RAB22A: variants seen among roughly 807,000 people sequenced by gnomAD.
RAB22A encodes the protein RAB22A, member RAS oncogene family, also known as ras-related protein Rab-22A.
Under a neutral mutation model 30.2 loss-of-function variants are expected in RAB22A, and 13 were observed. The ratio of observed to expected loss-of-function variants is 0.43; its 90% confidence interval spans 0.28 to 0.68. The LOEUF is 0.68. Ranked by LOEUF, RAB22A falls within the 30% of genes least tolerant of loss-of-function variation. RAB22A has a pLI of 0.18. For missense variants in RAB22A, 177 were observed against 246.8 expected (o/e 0.72, Z 1.89); for synonymous variants, 89 against 87.2 (o/e 1.02, Z -0.11).
intron 3 of RAB22A, among the ~76,000 whole-genome samples, chr20:58,349,547 G>A (rs941207037): frequency 2.0e-5 from 3 of 152,224 alleles, no homozygotes; most frequent in Admixed American, 1.3e-4. Context: ...TGGCAAGGGT[G>A]ACAAGACAGC....
rs1568869261 is a variant in RAB22A at position 58,336,498 on chromosome 20, T to TG, written c.117-7214dup. On this transcript the variant is annotated intron_variant, in intron 2 of 6. Transcript: ENST00000244040. The stretch of plus-strand genomic sequence containing the variant: ...GACTTTAAGGATACTGCCTGGAATC[T>TG]GGGGGGATAAAAAGTATTTTATTGT... Among the ~76,000 whole-genome samples, 3 of 152,120 alleles carry TG rather than the reference T, an allele frequency of 2.0e-5. No homozygotes were observed. In the South Asian group the frequency reaches 6.2e-4, roughly 32 times the overall value.
chr20:58,339,432 C>T (rs946960928), intron 2 of RAB22A, among the ~76,000 whole-genome samples: 2 of 152,210 alleles, frequency 1.3e-5, no homozygotes, highest in African/African-American at 4.8e-5. Context: ...ATCATACCCT[C>T]TGCATCATTT....
chr20:58,311,263 A>C (rs947893638), intron 2 of RAB22A, 141 bp downstream of exon 2: 7 of 812,314 alleles, frequency 8.6e-6, no homozygotes, highest in Non-Finnish European at 1.5e-5. Context: ...GAAGGACTTG[A>C]AAGAGTCCAG....
At position 58,364,589 on chromosome 20, in the gene RAB22A, A is replaced by G. The variant is rs1003117015; in HGVS notation, c.*4886A>G. The G allele has an allele frequency of 1.2e-4, 18 of 152,230 alleles. No individual in the cohort carries two copies. Among genetic ancestry groups the G allele is most frequent in the African/African-American group, 4.1e-4 (17 of 41,470 alleles). The allele number at this position is 152,230 out of a possible 1,614,324, so 9.4% of individuals were successfully genotyped here. ...AACAAAAAGTGTTTAATTTACTGCA[A>G]GTTCATTTTTAGATCTGTATGGTGC... On this transcript the variant is annotated 3_prime_UTR_variant, in exon 7 of 7. Coordinates refer to ENST00000244040, the MANE Select transcript of RAB22A (RefSeq NM_020673.3).
rs1600749727 is a variant in RAB22A at position 58,366,356 on chromosome 20, T to C, written c.*6653T>C. The C allele has an allele frequency of 6.6e-6, 1 of 152,168 alleles. No homozygotes were observed. The highest frequency in any genetic ancestry group is 1.9e-4 in the East Asian group (1 of 5,198). The allele number at this position is 152,168 out of a possible 1,614,324, so 9.4% of individuals were successfully genotyped here. ...GGGTTGGGGATGAACAGAAGTTGAT[T>C]AGTGGGCACAGAAATACAGTTAGAT... On this transcript the variant is annotated 3_prime_UTR_variant, in exon 7 of 7. Coordinates refer to ENST00000244040, the MANE Select transcript of RAB22A (RefSeq NM_020673.3).
chr20:58,323,394 G>A (rs1018989751), intron 2 of RAB22A, among the ~76,000 whole-genome samples: 9 of 151,558 alleles, frequency 5.9e-5, no homozygotes, highest in Non-Finnish European at 1.3e-4. Context: ...TGTGTTCTCT[G>A]TATACTTTTA....
chr20:58,333,991 A>C (rs1465184849), intron 2 of RAB22A, among the ~76,000 whole-genome samples: 1 of 152,128 alleles, frequency 6.6e-6, no homozygotes, highest in African/African-American at 2.4e-5. Context: ...CCAGGAGTTC[A>C]AGGCTACTGT....
At position 58,362,505 on chromosome 20, in the gene RAB22A, A is replaced by C. The variant is rs1038590968; in HGVS notation, c.*2802A>C. 1 of 152,186 alleles carries C rather than the reference A, an allele frequency of 6.6e-6. No homozygotes were observed. The highest frequency in any genetic ancestry group is 1.5e-5 in the Non-Finnish European group (1 of 68,036). 9.4% of individuals were successfully genotyped at this position (152,186 alleles called of 1,614,324 possible). ...TCTCAGGACTGAACAGAAGAGAAAA[A>C]TTATTAATTAGCTGCTACTGTATGT... is the stretch of plus-strand genomic sequence containing the variant. On this transcript the variant is annotated 3_prime_UTR_variant, in exon 7 of 7. Transcript: ENST00000244040.
intron 2 of RAB22A, among the ~76,000 whole-genome samples, chr20:58,333,008 G>A (rs990644926): frequency 6.6e-6 from 1 of 152,008 alleles, no homozygotes; most frequent in African/African-American, 2.4e-5. Context: ...GCGGGGTGTG[G>A]TGGCTCACAC....
intron 2 of RAB22A, among the ~76,000 whole-genome samples, chr20:58,339,783 G>A (rs1568870059): frequency 6.6e-6 from 1 of 152,154 alleles, no homozygotes; most frequent in Non-Finnish European, 1.5e-5. Context: ...GAAGGGTGAT[G>A]AAGTATCTAA....
At chr20:58,336,558 G>C (rs1032764458) in intron 2 of RAB22A, among the ~76,000 whole-genome samples, 15 of 152,238 alleles carry the variant, frequency 9.9e-5, no homozygotes, top group Admixed American at 9.8e-4. Context: ...CATGAAACTG[G>C]TAGGTTTTAA....
In RAB22A at chr20:58,359,623, A is replaced by C; in HGVS notation, c.505A>C (p.Thr169Pro). Residue 169 changes from threonine to proline, a missense_variant, in exon 7 of 7, where the codon ACT (threonine) becomes CCT (proline). Transcript: ENST00000244040. ...FIEISRRIPS[T>P]DANLPSGGKG... The stretch of plus-strand genomic sequence containing the variant: ...TGGTTTAGGTCGAAGAATTCCATCC[A>C]CTGACGCCAACCTGCCATCTGGCGG... 6.2e-7 allele frequency: 1 copy of C among 1,610,230 alleles called. No homozygotes were observed. Among genetic ancestry groups the C allele is most frequent in the Non-Finnish European group, 8.5e-7 (1 of 1,177,234 alleles).
At chr20:58,315,779 G>GC (rs1438745790) in intron 2 of RAB22A, among the ~76,000 whole-genome samples, 1 of 151,886 alleles carries the variant, frequency 6.6e-6, no homozygotes, top group Admixed American at 6.6e-5. Flanking sequence ...TCACATCTGA[G>GC]CCCTCATCCT....
At chr20:58,323,820 A>G (rs1261717731) in intron 2 of RAB22A, among the ~76,000 whole-genome samples, 1 of 151,056 alleles carries the variant, frequency 6.6e-6, no homozygotes, top group South Asian at 2.1e-4. Flanking sequence ...TTTTTTTAAC[A>G]TAATGTTGAC....
chr20:58,318,938 T>C (rs957371951), intron 2 of RAB22A, among the ~76,000 whole-genome samples: 6 of 152,222 alleles, frequency 3.9e-5, no homozygotes, highest in Non-Finnish European at 7.3e-5. Context: ...AGGGTTGTTG[T>C]GAAATTGAAT....
At chr20:58,322,371 T>A (rs1986478243) in intron 2 of RAB22A, among the ~76,000 whole-genome samples, 1 of 152,248 alleles carries the variant, frequency 6.6e-6, no homozygotes, top group African/African-American at 2.4e-5. Flanking sequence ...CACGGTCTAG[T>A]ACAGTTGCTA....
chr20:58,345,836 A>G (rs552520459), intron 3 of RAB22A: 3 of 152,534 alleles, frequency 2.0e-5, no homozygotes, highest in Non-Finnish European at 4.4e-5. Context: ...TCCTCCCACC[A>G]GTCTGTCCTC....
chr20:58,338,316 G>A (rs555091062), intron 2 of RAB22A, among the ~76,000 whole-genome samples: 13 of 152,204 alleles, frequency 8.5e-5, no homozygotes, highest in African/African-American at 2.9e-4. Context: ...TTGAGCCACC[G>A]TGCCCAGCCT....
chr20:58,352,201 G>A (rs1037250323), intron 3 of RAB22A, among the ~76,000 whole-genome samples: 8 of 151,964 alleles, frequency 5.3e-5, no homozygotes, highest in Admixed American at 1.3e-4. Flanking sequence ...TAAATTTATC[G>A]TAAAACTCAA....
Sources: gnomAD v4.1 joint callset for allele counts (sites outside exome capture counted in the v4.1 genomes callset) on GRCh38, gnomAD v4.1.1 for gene constraint, MANE v1.5 for transcripts, NCBI Gene and HGNC (gene_info 2026-07-23, HGNC 2026-07-21) for gene names.